ARID2: variants seen among roughly 807,000 people sequenced by gnomAD.
ARID2 encodes AT-rich interactive domain-containing protein 2.
ARID2 carries 32 observed loss-of-function variants against 184.6 expected under a neutral mutation model. The observed-to-expected ratio is 0.17, with a 90% confidence interval of 0.13 to 0.23. ARID2 has a LOEUF of 0.23. Among genes scored for constraint, ARID2 ranks in the 10% least tolerant of loss-of-function variants. ARID2 has a pLI of 1.00. For missense variants in ARID2, 1,696 were observed against 2,197.6 expected (o/e 0.77, Z 4.56); for synonymous variants, 836 against 772.6 (o/e 1.08, Z -1.36).
intron 4 of ARID2, 137 bp from the exon 5 acceptor site, chr12:45,817,533 T>TTATA (rs796997818): frequency 2.1e-5 from 5 of 235,702 alleles, no homozygotes; most frequent in East Asian, 8.5e-5. Context: ...AGTTTATATT[T>TTATA]TATATATATA....
intron 3 of ARID2, among the ~76,000 whole-genome samples, chr12:45,778,658 A>G (rs1372853764): frequency 1.3e-5 from 2 of 152,058 alleles, no homozygotes; most frequent in South Asian, 4.1e-4. Flanking sequence ...CAGAGTTTCT[A>G]CTTAATTTTT....
At chr12:45,779,980 T>G (rs768330775) in intron 3 of ARID2, among the ~76,000 whole-genome samples, 23 of 152,184 alleles carry the variant, frequency 1.5e-4, no homozygotes, top group Non-Finnish European at 2.8e-4. Flanking sequence ...CTTCTAGGCC[T>G]CAGTTTCCTT....
chr12:45,831,481 A>G (rs925716265), intron 6 of ARID2, among the ~76,000 whole-genome samples: 2 of 152,310 alleles, frequency 1.3e-5, no homozygotes, highest in South Asian at 4.1e-4. Context: ...ATCAGGGTAA[A>G]TGGGGTATTC....
At chr12:45,815,463 C>A (rs1592094013) in intron 4 of ARID2, among the ~76,000 whole-genome samples, 1 of 152,096 alleles carries the variant, frequency 6.6e-6, no homozygotes, top group Non-Finnish European at 1.5e-5. Flanking sequence ...GTTGGAGACA[C>A]TGCTAGAATA....
At chr12:45,828,635 A>C (rs1197142085) in intron 6 of ARID2, among the ~76,000 whole-genome samples, 1 of 152,040 alleles carries the variant, frequency 6.6e-6, no homozygotes, top group African/African-American at 2.4e-5. Context: ...TGGTATTGTC[A>C]GTCTCTTTCA....
chr12:45,873,367 T>A (rs999205558), intron 16 of ARID2, among the ~76,000 whole-genome samples: 4 of 152,252 alleles, frequency 2.6e-5, no homozygotes, highest in Non-Finnish European at 5.9e-5. Context: ...GTTGCATTGA[T>A]AGCTATCATA....
chr12:45,753,994 A>T (rs1217574727), intron 3 of ARID2, among the ~76,000 whole-genome samples: 1 of 152,210 alleles, frequency 6.6e-6, no homozygotes, highest in Non-Finnish European at 1.5e-5. Flanking sequence ...GCTATATCTG[A>T]TGTCATTTCT....
At chr12:45,844,119 T>G (rs1033626883) in intron 11 of ARID2, among the ~76,000 whole-genome samples, 2 of 152,120 alleles carry the variant, frequency 1.3e-5, no homozygotes, top group African/African-American at 2.4e-5. Context: ...CTCACTGTAG[T>G]GTTGAGCTCG....
intron 4 of ARID2, 129 bp downstream of exon 4, chr12:45,811,680 C>T (rs1320607400): frequency 1.0e-5 from 9 of 889,954 alleles, no homozygotes; most frequent in Admixed American, 3.7e-5. Context: ...ATGCAGCTTT[C>T]AAAGATTGAC....
At chr12:45,899,270 CAAAAAAAAA>C (rs774912363) in intron 20 of ARID2, among the ~76,000 whole-genome samples, 3 of 46,332 alleles carry the variant, frequency 6.5e-5, no homozygotes, top group East Asian at 1.5e-3. Context: ...GACTCTGTCT[CAAAAAAAAA>C]AAAAAAAAAA....
chr12:45,846,832 T>G (rs984859966), intron 11 of ARID2, 24 bp from the exon 12 acceptor site: 1 of 1,607,684 alleles, frequency 6.2e-7, no homozygotes, highest in African/African-American at 1.3e-5. Flanking sequence ...AGAAATGATG[T>G]AGCTAATGTA....
rs774096955 is a variant in ARID2 at position 45,851,846 on chromosome 12, A to C, written c.3723A>C (p.Lys1241Asn). The change falls in exon 15 of 21, where the codon AAA (lysine) becomes AAC (asparagine). Residue 1241 changes from lysine (K) to asparagine (N), a missense_variant. By Grantham distance (94) the Lys-to-Asn change is moderately conservative. Around this residue, in one of 11 missense-constraint regions of ARID2, gnomAD observed 428 missense variants for 409.1 expected, o/e 1.05. Coordinates refer to ENST00000334344, the MANE Select transcript of ARID2 (RefSeq NM_152641.4). ...TTATPPFKGD[K>N]IICQKEEEAK... ...CTACTCCCCCATTCAAAGGTGATAA[A>C]ATAATTTGCCAAAAGGAGGAGGAAG... is the stretch of plus-strand genomic sequence containing the variant. 1.2e-6 allele frequency: 2 copies of C among 1,614,150 alleles called. No individual in the cohort carries two copies. Among genetic ancestry groups the C allele is most frequent in the South Asian group, 1.1e-5 (1 of 91,084 alleles).
At chr12:45,834,360 G>A (rs1436913235) in intron 6 of ARID2, among the ~76,000 whole-genome samples, 2 of 151,414 alleles carry the variant, frequency 1.3e-5, no homozygotes, top group Non-Finnish European at 1.5e-5. Flanking sequence ...TAGATAATGA[G>A]CTTTTCTGTT....
At position 45,811,025 on chromosome 12, in the gene ARID2, C is replaced by T. The variant is rs376234887; in HGVS notation, c.285-393C>T. On this transcript the variant is annotated intron_variant, in intron 3 of 20. Coordinates refer to ENST00000334344, the MANE Select transcript of ARID2 (RefSeq NM_152641.4). ...GAAATTGAGACCATCCTAGCTAACA[C>T]GGTGAAACCCCGTCTCTACAAAAAA... Among the ~76,000 whole-genome samples, 359 of 152,038 alleles carry T rather than the reference C, an allele frequency of 2.4e-3. 12 individuals are homozygous for T. The South Asian group carries it at 0.068, about 29-fold the overall frequency.
intron 3 of ARID2, among the ~76,000 whole-genome samples, chr12:45,783,164 A>T (rs1003728811): frequency 6.6e-6 from 1 of 152,044 alleles, no homozygotes; most frequent in South Asian, 2.1e-4. Flanking sequence ...GATTCTCATG[A>T]TTGAAAAAAA....
chr12:45,798,461 T>C (rs560353946), intron 3 of ARID2, among the ~76,000 whole-genome samples: 202 of 152,344 alleles, frequency 1.3e-3, no homozygotes, highest in African/African-American at 4.7e-3. Flanking sequence ...TGTTTGTTCT[T>C]CCCTAAAAAT....
chr12:45,872,646 C>T (rs1943944738), intron 16 of ARID2, among the ~76,000 whole-genome samples: 1 of 152,218 alleles, frequency 6.6e-6, no homozygotes, highest in East Asian at 1.9e-4. Flanking sequence ...TGAGAACTCA[C>T]TCACTATCAG....
intron 16 of ARID2, among the ~76,000 whole-genome samples, chr12:45,875,945 G>C (rs1326995675): frequency 6.6e-6 from 1 of 152,174 alleles, no homozygotes; most frequent in Admixed American, 6.5e-5. Context: ...TGACATTTGG[G>C]TGTTCACTTG....
At chr12:45,876,610 T>G (rs2138211475) in intron 16 of ARID2, among the ~76,000 whole-genome samples, 1 of 148,514 alleles carries the variant, frequency 6.7e-6, no homozygotes, top group Middle Eastern at 3.5e-3. Flanking sequence ...CTCCAAAACA[T>G]TTACAAAGGT....
Sources: allele counts gnomAD v4.1 joint callset (sites outside exome capture counted in the v4.1 genomes callset), GRCh38; gene constraint gnomAD v4.1.1; regional missense constraint gnomAD v4.1.1; transcripts MANE v1.5; gene names NCBI Gene and HGNC (gene_info 2026-07-23, HGNC 2026-07-21).